PFKP: variants seen among roughly 807,000 people sequenced by gnomAD.
The protein encoded by PFKP is phosphofructokinase, platelet, also known as ATP-dependent 6-phosphofructokinase, platelet type.
In PFKP, 101 loss-of-function variants were observed where a neutral mutation model predicts 94.3. The observed-to-expected ratio is 1.07, with a 90% confidence interval of 0.91 to 1.26. PFKP has a LOEUF of 1.26. Ranked by LOEUF, PFKP falls within the 50% of genes most tolerant of loss-of-function variation. The pLI is 0.00. For missense variants in PFKP, 1,145 were observed against 1,103.3 expected (o/e 1.04, Z -0.53); for synonymous variants, 573 against 432.6 (o/e 1.32, Z -4.03).
chr10:3,102,406 T>G (rs1269145786), intron 4 of PFKP, among the ~76,000 whole-genome samples: 1 of 148,376 alleles, frequency 6.7e-6, no homozygotes, highest in Non-Finnish European at 1.5e-5. Flanking sequence ...TTTTGTTTTG[T>G]TTGATTGTTT....
chr10:3,092,819 C>G (rs2080625179), intron 2 of PFKP, among the ~76,000 whole-genome samples: 1 of 152,076 alleles, frequency 6.6e-6, no homozygotes, highest in Non-Finnish European at 1.5e-5. Flanking sequence ...CACTTGTGAC[C>G]CAAAATAAAC....
chr10:3,123,228 C>A (rs184744114), intron 16 of PFKP, among the ~76,000 whole-genome samples: 4 of 152,172 alleles, frequency 2.6e-5, no homozygotes, highest in Admixed American at 6.5e-5. Flanking sequence ...CCCATTACTC[C>A]GTCCTGTAAG....
At chr10:3,118,635 A>G (rs912218344) in intron 14 of PFKP, 147 bp from the exon 15 acceptor site, 9 of 585,862 alleles carry the variant, frequency 1.5e-5, no homozygotes, top group Non-Finnish European at 6.2e-6. Flanking sequence ...GCCAGCCACA[A>G]CGGCATGAGT....
intron 2 of PFKP, among the ~76,000 whole-genome samples, chr10:3,095,902 A>C (rs1379966982): frequency 6.6e-6 from 1 of 152,226 alleles, no homozygotes. Flanking sequence ...TAGCTCACGC[A>C]TGCACTAGAC....
rs796166348 is a variant in PFKP at position 3,089,315 on chromosome 10, G to A, written c.186+6854G>A. On this transcript the variant is annotated intron_variant, in intron 2 of 21. Coordinates refer to ENST00000381125, the MANE Select transcript of PFKP (RefSeq NM_002627.5). Reference sequence around the variant, plus strand: ...GGGGTTTTCTCCTTTATGGGTGAACGGTGTTGTGTTGTGGGCGTGCACCAC... The same window carrying A: ...GGGGTTTTCTCCTTTATGGGTGAACAGTGTTGTGTTGTGGGCGTGCACCAC... 1.5e-4 allele frequency among the ~76,000 whole-genome samples: 23 copies of A among 152,308 alleles called. 1 individual carries two copies. The highest frequency in any genetic ancestry group is 6.8e-3 in the Middle Eastern group (2 of 294).
intron 2 of PFKP, among the ~76,000 whole-genome samples, chr10:3,088,546 G>A (rs1169387751): frequency 6.6e-6 from 1 of 152,120 alleles, no homozygotes; most frequent in Non-Finnish European, 1.5e-5. Context: ...CGAGGTGACG[G>A]CTCCCACCTC....
At chr10:3,121,709 G>A (rs1343358965) in intron 16 of PFKP, among the ~76,000 whole-genome samples, 1 of 151,044 alleles carries the variant, frequency 6.6e-6, no homozygotes, top group African/African-American at 2.4e-5. Flanking sequence ...ACTTCCCTTG[G>A]AGGGATTGTG....
In PFKP at chr10:3,109,531, A is replaced by C. The variant is rs112673843; in HGVS notation, c.1089+51A>C. On this transcript the variant is annotated intron_variant, in intron 10 of 21. Transcript: ENST00000381125. ...GCAGGGCGGAGACGGCTGGGACAGAAGCTGCTTGTCAGGCCAGCCTGGGCA... is the reference window on the plus strand; with the variant it reads ...GCAGGGCGGAGACGGCTGGGACAGACGCTGCTTGTCAGGCCAGCCTGGGCA... 2.7e-3 allele frequency: 4,300 copies of C among 1,583,448 alleles called. 107 individuals are homozygous for C. The African/African-American group carries it at 0.051, about 19-fold the overall frequency.
chr10:3,134,688 GTT>G, intron 20 of PFKP, 106 bp downstream of exon 20: 1 of 731,560 alleles, frequency 1.4e-6, no homozygotes, highest in Non-Finnish European at 2.4e-6. Flanking sequence ...TCCTTCTTCA[GTT>G]CAGTACTGAG....
In PFKP at chr10:3,129,846, A is replaced by AGC. The variant is rs1838368878; in HGVS notation, c.1713_1714dup (p.Gly572AlafsTer52). ...CTGCGACCGCATCAAGCAGTCCGCC[A>AGC]GCGGAACCAAGCGGCGCGTGTTCAT... is the stretch of plus-strand genomic sequence containing the variant. On this transcript the variant is annotated frameshift_variant, in exon 17 of 22. Transcript: ENST00000381125. LOFTEE classifies it high-confidence loss of function. 1.2e-6 allele frequency: 2 copies of AGC among 1,613,476 alleles called. No homozygotes were observed. The highest frequency in any genetic ancestry group is 1.7e-5 in the Admixed American group (1 of 59,992).
chr10:3,114,041 A>AGGGATGCCAAGT (rs6143745), intron 13 of PFKP, among the ~76,000 whole-genome samples: 1 of 151,896 alleles, frequency 6.6e-6, no homozygotes, highest in Non-Finnish European at 1.5e-5. Flanking sequence ...ACCGAGGCAT[A>AGGGATGCCAAGT]GGGCTGGGTG....
intron 2 of PFKP, among the ~76,000 whole-genome samples, chr10:3,088,748 C>A (rs1588428903): frequency 6.6e-6 from 1 of 151,616 alleles, no homozygotes; most frequent in African/African-American, 2.4e-5. Flanking sequence ...ATATCATTTA[C>A]CATCTTTACT....
In PFKP at chr10:3,089,044, G is replaced by A. The variant is rs113447432; in HGVS notation, c.186+6583G>A. On this transcript the variant is annotated intron_variant, in intron 2 of 21. Transcript: ENST00000381125. Reference sequence around the variant, plus strand: ...CCTCCCGGGTTCAAGCGATTCTCCTGCCTCAGCCTCCTGAGTAGCTGGGAT... The same window carrying A: ...CCTCCCGGGTTCAAGCGATTCTCCTACCTCAGCCTCCTGAGTAGCTGGGAT... 2.1e-3 allele frequency among the ~76,000 whole-genome samples: 325 copies of A among 152,212 alleles called. 1 individual carries two copies. The highest frequency in any genetic ancestry group is 3.4e-3 in the Non-Finnish European group (232 of 68,016).
At chr10:3,134,023 A>C (rs763195096) in intron 19 of PFKP, among the ~76,000 whole-genome samples, 1 of 152,170 alleles carries the variant, frequency 6.6e-6, no homozygotes, top group South Asian at 2.1e-4. Flanking sequence ...AGCCTGGGAC[A>C]CAGGGTCCAG....
At chr10:3,090,788 C>T (rs373129051) in intron 2 of PFKP, among the ~76,000 whole-genome samples, 5 of 151,980 alleles carry the variant, frequency 3.3e-5, no homozygotes, top group African/African-American at 9.6e-5. Context: ...TTTGGGGGAC[C>T]GCTGTTCTAG....
intron 11 of PFKP, 75 bp from the exon 12 acceptor site, chr10:3,113,044 C>A: frequency 7.5e-7 from 1 of 1,337,434 alleles, no homozygotes; most frequent in Non-Finnish European, 1.0e-6. Context: ...GCAGATAAGC[C>A]ACCTTTTCTC....
intron 10 of PFKP, 29 bp from the exon 11 acceptor site, chr10:3,112,190 ATTC>A (rs1273997907): frequency 2.1e-5 from 33 of 1,587,370 alleles, no homozygotes; most frequent in Non-Finnish European, 2.8e-5. Context: ...GTCCTGACAC[ATTC>A]TTTCTTCTTT....
At chr10:3,104,729 C>G (rs1055529279) in intron 5 of PFKP, 3 of 303,656 alleles carry the variant, frequency 9.9e-6, no homozygotes, top group Admixed American at 5.1e-5. Flanking sequence ...CACTTGTTTC[C>G]GTGGGAGAGA....
chr10:3,072,410 G>A (rs879339579), intron 1 of PFKP, among the ~76,000 whole-genome samples: 3 of 152,178 alleles, frequency 2.0e-5, no homozygotes, highest in African/African-American at 4.8e-5. Context: ...TGAGAACAGC[G>A]CCATTTTGCC....
Sources: allele counts gnomAD v4.1 joint callset (sites outside exome capture counted in the v4.1 genomes callset), GRCh38; gene constraint gnomAD v4.1.1; transcripts MANE v1.5; gene names NCBI Gene and HGNC (gene_info 2026-07-23, HGNC 2026-07-21).